The following BACH2 variants were observed in gnomAD, a reference collection of about 807,000 sequenced individuals.
The protein encoded by BACH2 is transcription regulator protein BACH2.
Under a neutral mutation model 61.8 loss-of-function variants are expected in BACH2, and 5 were observed. The observed-to-expected ratio is 0.08, with a 90% CI of 0.04 to 0.17. BACH2 has a LOEUF of 0.17. Ranked by LOEUF, BACH2 falls within the 10% of genes least tolerant of loss-of-function variation. The probability of loss-of-function intolerance (pLI) is 1.00; values close to 1 mark genes in which losing one functional copy is unlikely to be tolerated. For missense variants in BACH2, 824 were observed against 1,091.1 expected, an observed-to-expected ratio of 0.76 and a Z score of 3.45; for synonymous variants, 446 against 440.1, an observed-to-expected ratio of 1.01 and a Z score of -0.17.
chr6:90,102,828 AATAATAATAAT>A (rs1424021559), intron 4 of BACH2, among the ~76,000 whole-genome samples: 9 of 139,970 alleles, frequency 6.4e-5, no homozygotes, highest in Admixed American at 2.2e-4. Context: ...TAATAATAAT[AATAATAATAAT>A]AAAAATAAAA....
Position 90,192,517 on chromosome 6 carries a change from C to T in BACH2, c.-162+14052G>A, listed in dbSNP as rs143828442. On this transcript the variant is annotated intron_variant, in intron 4 of 8. Coordinates refer to ENST00000257749, the MANE Select transcript of BACH2 (RefSeq NM_021813.4). Reference sequence around the variant, plus strand: ...CTTTAATTAAATACTAAAGTCTAGCCATTTGAGATAAGCAAAGCAGGTTAT... The same window carrying T: ...CTTTAATTAAATACTAAAGTCTAGCTATTTGAGATAAGCAAAGCAGGTTAT... Among the ~76,000 whole-genome samples, 601 of 152,188 alleles carry T rather than the reference C, an allele frequency of 3.9e-3. 4 individuals carry two copies. Among genetic ancestry groups the T allele is most frequent in the African/African-American group, 0.013 (546 of 41,544 alleles).
intron 4 of BACH2, among the ~76,000 whole-genome samples, chr6:90,189,660 C>A (rs1224026000): frequency 6.8e-6 from 1 of 148,092 alleles, no homozygotes; most frequent in African/African-American, 2.5e-5. Context: ...CCTTTGGCTT[C>A]AAACTAAACA....
chr6:90,054,810 T>G (rs1351437842), intron 5 of BACH2, among the ~76,000 whole-genome samples: 1 of 152,162 alleles, frequency 6.6e-6, no homozygotes, highest in Non-Finnish European at 1.5e-5. Context: ...GCATCTGTGG[T>G]TCACCAATAT....
intron 4 of BACH2, among the ~76,000 whole-genome samples, chr6:90,159,294 A>G (rs1785107210): frequency 6.6e-6 from 1 of 152,258 alleles, no homozygotes; most frequent in African/African-American, 2.4e-5. Context: ...ACATGTGGAA[A>G]AAGCCAAATA....
chr6:90,030,535 C>T (rs1360821827), intron 5 of BACH2, among the ~76,000 whole-genome samples: 2 of 152,110 alleles, frequency 1.3e-5, no homozygotes, highest in Admixed American at 6.5e-5. Flanking sequence ...ACCACCGATG[C>T]CACAGAAATA....
intron 6 of BACH2, among the ~76,000 whole-genome samples, chr6:89,989,382 T>C (rs140492497): frequency 6.6e-6 from 1 of 152,180 alleles, no homozygotes; most frequent in Non-Finnish European, 1.5e-5. Context: ...GTATGTCACA[T>C]AAATGGAATC....
chr6:90,057,816 C>T (rs1468274387), intron 5 of BACH2, among the ~76,000 whole-genome samples: 1 of 152,164 alleles, frequency 6.6e-6, no homozygotes, highest in African/African-American at 2.4e-5. Context: ...AAGGCTGGTT[C>T]AACATACACA....
intron 4 of BACH2, among the ~76,000 whole-genome samples, chr6:90,115,757 T>C (rs1783371704): frequency 6.6e-6 from 1 of 152,140 alleles, no homozygotes; most frequent in African/African-American, 2.4e-5. Flanking sequence ...AAGACAATAT[T>C]TGCAAACTAC....
intron 6 of BACH2, among the ~76,000 whole-genome samples, chr6:89,998,280 A>G (rs1031286450): frequency 2.0e-5 from 3 of 152,102 alleles, no homozygotes; most frequent in Admixed American, 6.5e-5. Context: ...GCCTGGCTCC[A>G]TCCCACCCAG....
At chr6:90,218,378 G>A (rs1030046222) in intron 3 of BACH2, 5 of 152,130 alleles carry the variant, frequency 3.3e-5, no homozygotes, top group African/African-American at 1.2e-4. Flanking sequence ...ATACACAAAT[G>A]ACTCTAGGCA....
intron 3 of BACH2, among the ~76,000 whole-genome samples, chr6:90,235,364 T>A (rs765852804): frequency 1.1e-4 from 17 of 152,208 alleles, no homozygotes; most frequent in Non-Finnish European, 1.8e-4. Flanking sequence ...TAATAGTAAT[T>A]ACATCACAGG....
At chr6:90,184,912 T>C (rs1251488398) in intron 4 of BACH2, among the ~76,000 whole-genome samples, 1 of 152,224 alleles carries the variant, frequency 6.6e-6, no homozygotes, top group East Asian at 1.9e-4. Flanking sequence ...TGTCCATGAA[T>C]AGAAACTCTC....
intron 3 of BACH2, among the ~76,000 whole-genome samples, chr6:90,250,934 G>A (rs1301153039): frequency 6.6e-6 from 1 of 152,092 alleles, no homozygotes; most frequent in Admixed American, 6.6e-5. Context: ...TTATTATTCT[G>A]TTTTACAGAT....
rs371386234 is a variant in BACH2, at chr6:90,103,029, ATT to A, written c.-161-13922_-161-13921del. Among the ~76,000 whole-genome samples the A allele has an allele frequency of 5.2e-3, 111 of 21,158 alleles. 2 individuals carry two copies. The highest frequency in any genetic ancestry group is 0.018 in the Admixed American group (20 of 1,106). The allele number at this position is 21,158 out of a possible 152,430, so 13.9% of individuals were successfully genotyped here. A position where few individuals can be genotyped will look rare whatever the true frequency, so the allele number is the denominator to read the frequency against. ...TACATATATATATATATATATATAT[ATT>A]TTTTTTTTTTTTTTTTTTTTACCAG... On this transcript the variant is annotated intron_variant, in intron 4 of 8. Transcript: ENST00000257749.
intron 3 of BACH2, among the ~76,000 whole-genome samples, chr6:90,246,568 T>C (rs1318121482): frequency 6.6e-6 from 1 of 152,114 alleles, no homozygotes; most frequent in Non-Finnish European, 1.5e-5. Flanking sequence ...GTTCTCTTAG[T>C]ACAAACTGGC....
chr6:90,169,923 G>A (rs1045397319), intron 4 of BACH2, among the ~76,000 whole-genome samples: 2 of 152,018 alleles, frequency 1.3e-5, no homozygotes, highest in Non-Finnish European at 2.9e-5. Flanking sequence ...GGGAATTGGT[G>A]GGCAGAAAAA....
intron 4 of BACH2, among the ~76,000 whole-genome samples, chr6:90,157,773 A>C (rs1301834183): frequency 6.6e-6 from 1 of 152,172 alleles, no homozygotes; most frequent in Non-Finnish European, 1.5e-5. Context: ...GCTAATGGCC[A>C]TTGAGTGAGC....
At chr6:90,164,841 A>C (rs1368261273) in intron 4 of BACH2, among the ~76,000 whole-genome samples, 4 of 152,196 alleles carry the variant, frequency 2.6e-5, no homozygotes, top group African/African-American at 4.8e-5. Context: ...GATGCAGAAA[A>C]GGCCTTTGAC....
chr6:90,059,302 C>T (rs556636883), intron 5 of BACH2, among the ~76,000 whole-genome samples: 9 of 149,698 alleles, frequency 6.0e-5, no homozygotes, highest in Non-Finnish European at 1.0e-4. Flanking sequence ...ACCCCATCAA[C>T]AAGTGGGCAA....
Sources: gnomAD v4.1 joint callset for allele counts (sites outside exome capture counted in the v4.1 genomes callset) on GRCh38, gnomAD v4.1.1 for gene constraint, MANE v1.5 for transcripts, NCBI Gene and HGNC (gene_info 2026-07-23, HGNC 2026-07-21) for gene names.